The following DAB1 variants were observed in gnomAD, a reference collection of about 807,000 sequenced individuals.
The protein encoded by DAB1 is DAB adaptor protein 1.
Under a neutral mutation model 64.6 loss-of-function variants are expected in DAB1, and 15 were observed. That is an observed-to-expected ratio of 0.23 (90% CI 0.16 to 0.36). The LOEUF is 0.36. Ranked by LOEUF, DAB1 falls within the 10% of genes least tolerant of loss-of-function variation. DAB1 has a pLI of 1.00. For missense variants in DAB1, 596 were observed against 706.7 expected (o/e 0.84, Z 1.78); for synonymous variants, 235 against 251.9 (o/e 0.93, Z 0.64).
intron 6 of DAB1, among the ~76,000 whole-genome samples, chr1:57,707,735 T>G (rs751044076): frequency 6.6e-6 from 1 of 152,196 alleles, no homozygotes; most frequent in African/African-American, 2.4e-5. Context: ...CAGGACTTAT[T>G]TGTACTCATC....
In DAB1 at chr1:58,096,989, A is replaced by G. The variant is rs114860632; in HGVS notation, n.387+53522T>C. On this transcript the variant is annotated intron_variant and non_coding_transcript_variant, in intron 5 of 20. Coordinates refer to the DAB1 transcript ENST00000485760. ...TGTCATGTGAATCTGCGGCTGTCAA[A>G]TCACAGAAAGACCACACTGAAGTGG... Among the ~76,000 whole-genome samples, 583 of 152,346 alleles carry G rather than the reference A, an allele frequency of 3.8e-3. 4 individuals carry two copies. The highest frequency in any genetic ancestry group is 0.014 in the African/African-American group (564 of 41,590).
chr1:57,293,332 T>C (rs755616775), intron 1 of DAB1, among the ~76,000 whole-genome samples: 78 of 152,334 alleles, frequency 5.1e-4, no homozygotes, highest in Non-Finnish European at 8.1e-4. Flanking sequence ...TTTTATGATT[T>C]GATTTTTGGA....
intron 6 of DAB1, among the ~76,000 whole-genome samples, chr1:57,685,290 A>C (rs1258210705): frequency 6.6e-6 from 1 of 151,660 alleles, no homozygotes; most frequent in Non-Finnish European, 1.5e-5. Flanking sequence ...ACAGACTTTA[A>C]ATTAACAACT....
chr1:57,892,030 C>T (rs1644323018), intron 5 of DAB1, among the ~76,000 whole-genome samples: 1 of 152,164 alleles, frequency 6.6e-6, no homozygotes, highest in Non-Finnish European at 1.5e-5. Context: ...GCCCTTGCAA[C>T]TGCATTCTCA....
rs570114872 is a variant in DAB1 at position 57,550,379 on chromosome 1, T to C, written n.625+99213A>G. ...GTGGACAGGGAGTTGGGTTAGTTGA[T>C]CACTCACTAACTCTGATTCTATACC... On this transcript the variant is annotated intron_variant and non_coding_transcript_variant, in intron 7 of 20. Coordinates refer to the DAB1 transcript ENST00000485760. 3.3e-5 allele frequency among the ~76,000 whole-genome samples: 5 copies of C among 152,276 alleles called. No individual in the cohort carries two copies. The South Asian group carries it at 1.0e-3, about 32-fold the overall frequency.
intron 5 of DAB1, among the ~76,000 whole-genome samples, chr1:58,088,526 G>A (rs1232767159): frequency 1.3e-5 from 2 of 152,122 alleles, no homozygotes; most frequent in South Asian, 2.1e-4. Flanking sequence ...TTTAGCACAC[G>A]CTTGACCCCA....
At chr1:57,589,289 A>T (rs113645763) in intron 7 of DAB1, among the ~76,000 whole-genome samples, 1 of 152,216 alleles carries the variant, frequency 6.6e-6, no homozygotes, top group South Asian at 2.1e-4. Flanking sequence ...AAAAGGAGAA[A>T]TTAATAAACT....
At chr1:57,077,795 A>C (rs1449002103) in intron 4 of DAB1, among the ~76,000 whole-genome samples, 1 of 152,140 alleles carries the variant, frequency 6.6e-6, no homozygotes, top group Non-Finnish European at 1.5e-5. Flanking sequence ...TTTTTAAAGA[A>C]TAAATTCTAC....
intron 2 of DAB1, among the ~76,000 whole-genome samples, chr1:57,223,702 C>T (rs74075906): frequency 0.015 from 2,301 of 152,210 alleles, 61 homozygotes; most frequent in African/African-American, 0.052. Context: ...TTAGTGGATT[C>T]GCAGACAGCA....
chr1:57,594,659 T>C (rs1055912764), intron 7 of DAB1, among the ~76,000 whole-genome samples: 2 of 152,162 alleles, frequency 1.3e-5, no homozygotes, highest in East Asian at 3.8e-4. Flanking sequence ...AAATTTTCAA[T>C]CCAAGACGTT....
chr1:58,353,448 C>G (rs6664607), intron 3 of DAB1, among the ~76,000 whole-genome samples: 26,498 of 152,124 alleles, frequency 0.17, 2,906 homozygotes, highest in African/African-American at 0.32. Flanking sequence ...GACATTAATG[C>G]TTTACAGATT....
At chr1:57,128,660 AT>A (rs1483648747) in intron 4 of DAB1, among the ~76,000 whole-genome samples, 1 of 152,110 alleles carries the variant, frequency 6.6e-6, no homozygotes, top group East Asian at 1.9e-4. Flanking sequence ...CAGATGAGCC[AT>A]CCCCAAGGTC....
chr1:58,105,556 G>A (rs989408769), intron 5 of DAB1, among the ~76,000 whole-genome samples: 1 of 152,178 alleles, frequency 6.6e-6, no homozygotes, highest in Non-Finnish European at 1.5e-5. Context: ...ATGCAAACAT[G>A]AGGAGTTCAT....
chr1:57,719,962 C>T (rs954725025), intron 6 of DAB1, among the ~76,000 whole-genome samples: 1 of 152,126 alleles, frequency 6.6e-6, no homozygotes, highest in African/African-American at 2.4e-5. Context: ...TGACCCTGGC[C>T]AAATTACTTT....
chr1:58,266,292 T>G (rs142679745), intron 4 of DAB1, among the ~76,000 whole-genome samples: 1 of 152,278 alleles, frequency 6.6e-6, no homozygotes, highest in Non-Finnish European at 1.5e-5. Flanking sequence ...AGGGGCCTTT[T>G]CAGTGGGGGA....
intron 2 of DAB1, among the ~76,000 whole-genome samples, chr1:57,163,641 G>T (rs1471626149): frequency 6.6e-6 from 1 of 152,058 alleles, no homozygotes; most frequent in Non-Finnish European, 1.5e-5. Context: ...TCTGTGGAAA[G>T]GGGGAGAAGT....
rs114217374 is a variant in DAB1 at position 58,268,353 on chromosome 1, G to A, written n.309+74999C>T. Among the ~76,000 whole-genome samples, 1,160 of 152,092 alleles carry A rather than the reference G, an allele frequency of 7.6e-3. 20 individuals are homozygous for A. Among genetic ancestry groups the A allele is most frequent in the African/African-American group, 0.026 (1,091 of 41,474 alleles). On this transcript the variant is annotated intron_variant and non_coding_transcript_variant, in intron 4 of 20. Coordinates refer to the DAB1 transcript ENST00000485760. ...TACAAATATATAGACCTTCATAATTGTTAAATTATAGGTCATATATAATTA... is the reference window on the plus strand; with the variant it reads ...TACAAATATATAGACCTTCATAATTATTAAATTATAGGTCATATATAATTA...
rs538749951 is a variant in DAB1, at chr1:57,873,629, C to A, written n.87+10370G>T. On this transcript the variant is annotated intron_variant and non_coding_transcript_variant, in intron 1 of 1. Coordinates refer to the DAB1 transcript ENST00000477280. ...AACAATCTCGCTGCCCAATGTATAG[C>A]AAAGGGTTGAAGAGCATAAATTCTG... 2.6e-5 allele frequency among the ~76,000 whole-genome samples: 4 copies of A among 152,118 alleles called. No individual in the cohort carries two copies. In the East Asian group the frequency reaches 7.7e-4, roughly 29 times the overall value.
intron 5 of DAB1, chr1:58,048,577 G>C: frequency 2.0e-6 from 2 of 1,009,706 alleles, no homozygotes; most frequent in Admixed American, 3.5e-5. Flanking sequence ...CATCCCCACT[G>C]CCACCATATC....
Sources: allele counts gnomAD v4.1 joint callset (sites outside exome capture counted in the v4.1 genomes callset), GRCh38; gene constraint gnomAD v4.1.1; transcripts MANE v1.5; gene names NCBI Gene and HGNC (gene_info 2026-07-23, HGNC 2026-07-21).